Variants in SSH2 observed in about 807,000 individuals in gnomAD.
The protein encoded by SSH2 is slingshot protein phosphatase 2.
SSH2 carries 37 observed loss-of-function variants against 135.2 expected under a neutral mutation model. The observed-to-expected ratio is 0.27, with a 90% CI of 0.21 to 0.36. The LOEUF is 0.36. SSH2 is among the 10% of genes least tolerant of loss of function. The pLI is 1.00. For synonymous variants in SSH2, 628 were observed against 646.2 expected (o/e 0.97, Z 0.43); for missense variants, 1,408 against 1,765.3 (o/e 0.80, Z 3.63).
At chr17:29,673,365 A>T (rs1222188590) in intron 8 of SSH2, among the ~76,000 whole-genome samples, 4 of 151,906 alleles carry the variant, frequency 2.6e-5, no homozygotes, top group African/African-American at 9.7e-5. Flanking sequence ...AGGTCAGGAG[A>T]TCGAGATCAG....
chr17:29,695,578 G>A, intron 4 of SSH2, 55 bp from the exon 5 acceptor site: 1 of 1,485,554 alleles, frequency 6.7e-7, no homozygotes, highest in Admixed American at 1.8e-5. Context: ...TGTTGACAGA[G>A]AGGATTCCTT....
chr17:29,868,031 T>C (rs1276208572), intron 1 of SSH2, among the ~76,000 whole-genome samples: 1 of 152,192 alleles, frequency 6.6e-6, no homozygotes, highest in Non-Finnish European at 1.5e-5. Context: ...ATTGATTAAG[T>C]GCACTATGAT....
chr17:29,722,293 T>C lies in SSH2; in HGVS notation c.189-19231A>G, dbSNP rs1230260764. Among the ~76,000 whole-genome samples, 3 of 144,952 alleles carry C rather than the reference T, an allele frequency of 2.1e-5. No homozygotes were observed. The East Asian group carries it at 5.9e-4, about 29-fold the overall frequency. On this transcript the variant is annotated intron_variant, in intron 3 of 15. Coordinates refer to ENST00000540801, the MANE Select transcript of SSH2 (RefSeq NM_001282129.2). ...TATCTCAAAAAAAAAAAAAAAAAAG[T>C]CAGTGTAATTTACAACAGCAGTTTC...
At chr17:29,755,285 C>A (rs2041077676) in intron 3 of SSH2, among the ~76,000 whole-genome samples, 1 of 152,102 alleles carries the variant, frequency 6.6e-6, no homozygotes, top group Non-Finnish European at 1.5e-5. Context: ...CTGAGTTGCT[C>A]ATATATATTT....
At chr17:29,837,252 ACT>A (rs1384384228) in intron 2 of SSH2, among the ~76,000 whole-genome samples, 1 of 149,910 alleles carries the variant, frequency 6.7e-6, no homozygotes, top group Non-Finnish European at 1.5e-5. Context: ...ACAGAGTGAG[ACT>A]CTGTCTCAAA....
At chr17:29,913,639 T>C (rs1300085190) in intron 1 of SSH2, among the ~76,000 whole-genome samples, 1 of 151,122 alleles carries the variant, frequency 6.6e-6, no homozygotes, top group African/African-American at 2.4e-5. Context: ...TCTTTCTTTT[T>C]TCTTTTTTTT....
At chr17:29,787,295 T>C (rs1359486744) in intron 3 of SSH2, among the ~76,000 whole-genome samples, 1 of 152,246 alleles carries the variant, frequency 6.6e-6, no homozygotes, top group African/African-American at 2.4e-5. Context: ...CGTTGTGGCA[T>C]GTCAGAACTT....
At chr17:29,927,852 T>C (rs1447651097) in intron 1 of SSH2, among the ~76,000 whole-genome samples, 1 of 152,198 alleles carries the variant, frequency 6.6e-6, no homozygotes, top group East Asian at 1.9e-4. Context: ...CTAGTAGATA[T>C]AGAAATATTA....
intron 3 of SSH2, among the ~76,000 whole-genome samples, chr17:29,770,237 T>G (rs942526580): frequency 1.3e-5 from 2 of 150,972 alleles, no homozygotes; most frequent in Non-Finnish European, 2.9e-5. Flanking sequence ...ACCTCCTGAG[T>G]AGCTGGAATT....
chr17:29,729,348 T>C (rs573624588), intron 3 of SSH2, among the ~76,000 whole-genome samples: 12 of 152,328 alleles, frequency 7.9e-5, no homozygotes, highest in African/African-American at 2.9e-4. Context: ...GATATCATCT[T>C]ATCCCAGTTA....
At chr17:29,812,031 C>A (rs1184026114) in intron 2 of SSH2, among the ~76,000 whole-genome samples, 1 of 151,700 alleles carries the variant, frequency 6.6e-6, no homozygotes, top group Non-Finnish European at 1.5e-5. Context: ...TGTCAGGGAG[C>A]AAGTGGTAAT....
intron 9 of SSH2, among the ~76,000 whole-genome samples, chr17:29,669,490 C>CA (rs1260809670): frequency 3.9e-5 from 6 of 152,094 alleles, no homozygotes; most frequent in Non-Finnish European, 8.8e-5. Context: ...CTTTTCTAGT[C>CA]AGTTTAGGGA....
At position 29,800,679 on chromosome 17, in the gene SSH2, A is replaced by G. The variant is rs139629421; in HGVS notation, c.145-6742T>C. Among the ~76,000 whole-genome samples the G allele has an allele frequency of 5.4e-4, 82 of 151,896 alleles. No homozygotes were observed. In the East Asian group the frequency reaches 0.015, roughly 29 times the overall value. On this transcript the variant is annotated intron_variant, in intron 2 of 15. Coordinates refer to ENST00000540801, the MANE Select transcript of SSH2 (RefSeq NM_001282129.2). Reference sequence around the variant, plus strand: ...GTTTAATTAATTAAACATTTAATTAATTTAATAATTAAATGACTAAATATT... The same window carrying G: ...GTTTAATTAATTAAACATTTAATTAGTTTAATAATTAAATGACTAAATATT...
intron 12 of SSH2, among the ~76,000 whole-genome samples, chr17:29,653,696 C>T (rs2036670726): frequency 6.6e-6 from 1 of 152,096 alleles, no homozygotes; most frequent in African/African-American, 2.4e-5. Flanking sequence ...AAGCAATTCT[C>T]CTGCCTCAGC....
At chr17:29,904,141 A>C (rs1427765125) in intron 1 of SSH2, among the ~76,000 whole-genome samples, 1 of 152,184 alleles carries the variant, frequency 6.6e-6, no homozygotes, top group Non-Finnish European at 1.5e-5. Flanking sequence ...CTCCTCCTTA[A>C]TTCATTCTAT....
At chr17:29,806,553 C>T (rs2042349660) in intron 2 of SSH2, among the ~76,000 whole-genome samples, 2 of 152,110 alleles carry the variant, frequency 1.3e-5, no homozygotes, top group African/African-American at 4.8e-5. Context: ...TATGTTCAGC[C>T]AATACATACT....
rs28485931 is a variant in SSH2, at chr17:29,771,766, T to C, written c.188+22128A>G. 4.9e-3 allele frequency among the ~76,000 whole-genome samples: 744 copies of C among 152,336 alleles called. 4 individuals are homozygous for C. Among genetic ancestry groups the C allele is most frequent in the African/African-American group, 0.017 (719 of 41,572 alleles). ...CCCTTTCACAAGCAATTTAGTACTA[T>C]GCAGTTTGTTTAGGATGGTCAAGTT... On this transcript the variant is annotated intron_variant, in intron 3 of 15. Coordinates refer to ENST00000540801, the MANE Select transcript of SSH2 (RefSeq NM_001282129.2).
intron 2 of SSH2, among the ~76,000 whole-genome samples, chr17:29,829,781 C>T (rs538937056): frequency 6.6e-6 from 1 of 151,984 alleles, no homozygotes; most frequent in Non-Finnish European, 1.5e-5. Context: ...AACCTGGTCA[C>T]TCCCCAGCTG....
intron 1 of SSH2, among the ~76,000 whole-genome samples, chr17:29,863,141 C>T (rs373904002): frequency 5.9e-5 from 9 of 151,872 alleles, no homozygotes; most frequent in African/African-American, 1.5e-4. Context: ...TTAGGGGAGG[C>T]CTGAAATATT....
Sources: gnomAD v4.1 joint callset for allele counts (sites outside exome capture counted in the v4.1 genomes callset) on GRCh38, gnomAD v4.1.1 for gene constraint, MANE v1.5 for transcripts, NCBI Gene and HGNC (gene_info 2026-07-23, HGNC 2026-07-21) for gene names.